HSD17B13: variants seen among roughly 807,000 people sequenced by gnomAD.
HSD17B13 encodes the protein hydroxysteroid 17-beta dehydrogenase 13.
A neutral mutation model predicts 31.1 loss-of-function variants in HSD17B13; 26 were observed. That is an observed-to-expected ratio of 0.84 (90% CI 0.61 to 1.16). The LOEUF is 1.16. HSD17B13 is among the 50% of genes most tolerant of loss of function. HSD17B13 has a pLI of 0.00. For synonymous variants in HSD17B13, 141 were observed against 133.7 expected, an observed-to-expected ratio of 1.05 and a Z score of -0.38; for missense variants, 374 against 366.5, an observed-to-expected ratio of 1.02 and a Z score of -0.17.
rs755614415 is a variant in HSD17B13, at chr4:87,315,642, G to A, written c.451-43C>T. 5 of 1,237,964 alleles carry A rather than the reference G, an allele frequency of 4.0e-6. No individual in the cohort carries two copies. The South Asian group carries it at 4.1e-5, about 10-fold the overall frequency. The allele number at this position is 1,237,964 out of a possible 1,614,324, so 76.7% of individuals were successfully genotyped here. On this transcript the variant is annotated intron_variant, in intron 3 of 6. Coordinates refer to ENST00000328546, the MANE Select transcript of HSD17B13 (RefSeq NM_178135.5). ...AAAGAAGAAAGACAATGACATAGAC[G>A]TTAGGTTTCCAAATCAGGTAGTTTT... is the stretch of plus-strand genomic sequence containing the variant.
intron 5 of HSD17B13, among the ~76,000 whole-genome samples, chr4:87,311,695 C>G (rs1734532947): frequency 6.6e-6 from 1 of 152,118 alleles, no homozygotes; most frequent in Non-Finnish European, 1.5e-5. Flanking sequence ...ATGGACTGAA[C>G]AGCCAGTGAA....
intron 1 of HSD17B13, among the ~76,000 whole-genome samples, chr4:87,321,854 G>T (rs551092751): frequency 6.6e-6 from 1 of 152,258 alleles, no homozygotes; most frequent in Middle Eastern, 3.4e-3. Context: ...GATTCTCAAG[G>T]AGTACTTCAC....
At chr4:87,312,899 A>C (rs1010492916) in intron 5 of HSD17B13, among the ~76,000 whole-genome samples, 4 of 151,692 alleles carry the variant, frequency 2.6e-5, no homozygotes, top group Non-Finnish European at 4.4e-5. Context: ...GTCTCTACTA[A>C]AAATACAAAA....
intron 5 of HSD17B13, among the ~76,000 whole-genome samples, chr4:87,313,604 CAAAT>C (rs1734582079): frequency 1.3e-5 from 2 of 152,092 alleles, no homozygotes; most frequent in South Asian, 4.1e-4. Context: ...CTCCCGGACA[CAAAT>C]AAATATCCCA....
chr4:87,314,622 T>TTCTCTCTC (rs551629239), intron 4 of HSD17B13, among the ~76,000 whole-genome samples: 1 of 142,984 alleles, frequency 7.0e-6, no homozygotes, highest in African/African-American at 2.8e-5. Context: ...TAGAGTCGTT[T>TTCTCTCTC]TCTCTCTCTC....
intron 6 of HSD17B13, among the ~76,000 whole-genome samples, chr4:87,308,579 G>T (rs1734447398): frequency 1.3e-5 from 2 of 148,152 alleles, no homozygotes; most frequent in South Asian, 4.2e-4. Context: ...AACTAGGGAG[G>T]CTGAGGCAGG....
At chr4:87,308,123 C>CT (rs1246265706) in intron 6 of HSD17B13, among the ~76,000 whole-genome samples, 3 of 152,150 alleles carry the variant, frequency 2.0e-5, no homozygotes, top group Non-Finnish European at 1.5e-5. Context: ...TTCTCTAAGA[C>CT]TTTAACATTT....
At chr4:87,317,591 T>TTTTTTTTTTTTTTTTTTG in intron 2 of HSD17B13, among the ~76,000 whole-genome samples, 1 of 142,876 alleles carries the variant, frequency 7.0e-6, no homozygotes, top group East Asian at 2.0e-4. Context: ...TTTTTTTTTT[T>TTTTTTTTTTTTTTTTTTG]AGAGATAGGG....
Position 87,310,324 on chromosome 4 carries a change from CT to C in HSD17B13, c.730del (p.Arg244GlufsTer3). ...GGTAAGTATTCCATCTATCAGACTTCTTACGACTTCATCTGTCTCCAATACA... is the reference window on the plus strand; with the variant it reads ...GGTAAGTATTCCATCTATCAGACTTCTACGACTTCATCTGTCTCCAATACA... Reference protein sequence around the residue: ...WPVLETDEVVRSLIDGILTNK... With the variant: ...WPVLETDEVVXSLIDGILTNK... On this transcript the variant is annotated frameshift_variant, in exon 6 of 7. Coordinates refer to ENST00000328546, the MANE Select transcript of HSD17B13 (RefSeq NM_178135.5). LOFTEE classifies it high-confidence loss of function. 1 of 1,571,338 alleles carries C rather than the reference CT, an allele frequency of 6.4e-7. No individual in the cohort carries two copies. The highest frequency in any genetic ancestry group is 1.4e-5 in the African/African-American group (1 of 71,878).
chr4:87,321,640 C>T (rs1734789016), intron 1 of HSD17B13, among the ~76,000 whole-genome samples: 1 of 151,870 alleles, frequency 6.6e-6, no homozygotes, highest in South Asian at 2.1e-4. Flanking sequence ...ATCAACTCCT[C>T]TATTATATAA....
chr4:87,318,252 A>C, intron 2 of HSD17B13, 77 bp downstream of exon 2: 1 of 1,083,640 alleles, frequency 9.2e-7, no homozygotes, highest in Non-Finnish European at 1.4e-6. Flanking sequence ...GGCAGTCATA[A>C]AGACCTTTCT....
At chr4:87,309,772 G>C (rs1734484771) in intron 6 of HSD17B13, among the ~76,000 whole-genome samples, 1 of 152,130 alleles carries the variant, frequency 6.6e-6, no homozygotes, top group Admixed American at 6.6e-5. Flanking sequence ...TCTTTTTATA[G>C]ACTGGGTAGG....
chr4:87,321,232 T>C (rs1164667774), intron 1 of HSD17B13, among the ~76,000 whole-genome samples: 3 of 152,114 alleles, frequency 2.0e-5, no homozygotes, highest in Non-Finnish European at 2.9e-5. Context: ...GGTTTTGCTG[T>C]GCTGCCCAGG....
rs777852930 is a variant in HSD17B13, at chr4:87,318,429, A to C, written c.218T>G (p.Val73Gly). 6.2e-7 allele frequency: 1 copy of C among 1,613,858 alleles called. No individual in the cohort carries two copies. The highest frequency in any genetic ancestry group is 1.7e-5 in the Admixed American group (1 of 60,016). Reference protein sequence around the residue: ...LVLWDINKRGVEETAAECRKL... With the variant: ...LVLWDINKRGGEETAAECRKL... ...TCGGCACTCAGCTGCAGTTTCCTCC[A>C]CACCGCGCTGTAATTAGGAAGAAAC... Residue 73 changes from valine (V) to glycine (G), a missense_variant, in exon 2 of 7, where the codon GTG becomes GGG. Val to Gly is a moderately radical substitution (Grantham distance 109). Coordinates refer to ENST00000328546, the MANE Select transcript of HSD17B13 (RefSeq NM_178135.5).
At chr4:87,306,809 A>G (rs1734399407) in intron 6 of HSD17B13, among the ~76,000 whole-genome samples, 1 of 146,082 alleles carries the variant, frequency 6.8e-6, no homozygotes, top group African/African-American at 2.5e-5. Flanking sequence ...CAGGAGGCTG[A>G]GGCAGGAGAA....
chr4:87,320,898 T>C (rs1489074348), intron 1 of HSD17B13, among the ~76,000 whole-genome samples: 1 of 152,212 alleles, frequency 6.6e-6, no homozygotes. Context: ...TCAGCCAGCA[T>C]CTTCCTCGCC....
chr4:87,320,569 A>G (rs1467813036), intron 1 of HSD17B13, among the ~76,000 whole-genome samples: 1 of 151,792 alleles, frequency 6.6e-6, no homozygotes, highest in Non-Finnish European at 1.5e-5. Flanking sequence ...TTGTATTTTT[A>G]GTAGAGACGG....
chr4:87,315,480 A>C lies in HSD17B13; in HGVS notation c.557+13T>G. 6.8e-7 allele frequency: 1 copy of C among 1,478,220 alleles called. No homozygotes were observed. The highest frequency in any genetic ancestry group is 9.4e-7 in the Non-Finnish European group (1 of 1,061,216). The allele number at this position is 1,478,220 out of a possible 1,614,324, so 91.6% of individuals were successfully genotyped here. On this transcript the variant is annotated intron_variant, in intron 4 of 6. Coordinates refer to ENST00000328546, the MANE Select transcript of HSD17B13 (RefSeq NM_178135.5). ...TATAAAAATATATAACATGGCTGGC[A>C]TGTGATACTTACCAATATGGGATGA...
In HSD17B13 at chr4:87,319,127, A is replaced by G. The variant is rs112328985; in HGVS notation, c.211-691T>C. On this transcript the variant is annotated intron_variant, in intron 1 of 6. Transcript: ENST00000328546. The stretch of plus-strand genomic sequence containing the variant: ...AACCCGGGAGGCGGAGGTTGCAGTG[A>G]GCTGAAATCATTCCATTGCACTCCA... 3.6e-3 allele frequency among the ~76,000 whole-genome samples: 555 copies of G among 152,316 alleles called. 3 individuals are homozygous for G. The highest frequency in any genetic ancestry group is 0.012 in the African/African-American group (514 of 41,570).
Sources: gnomAD v4.1 joint callset for allele counts (sites outside exome capture counted in the v4.1 genomes callset) on GRCh38, gnomAD v4.1.1 for gene constraint, MANE v1.5 for transcripts, NCBI Gene and HGNC (gene_info 2026-07-23, HGNC 2026-07-21) for gene names.